The following AFF3 variants were observed in gnomAD, a reference collection of about 807,000 sequenced individuals.
AFF3 encodes the protein ALF transcription elongation factor 3.
A neutral mutation model predicts 129.7 loss-of-function variants in AFF3; 32 were observed. The observed-to-expected ratio is 0.25, with a 90% CI of 0.19 to 0.33. The LOEUF (loss-of-function observed/expected upper bound fraction) is 0.33, where lower values mean the gene tolerates loss of function less well. Ranked by LOEUF, AFF3 falls within the 10% of genes least tolerant of loss-of-function variation. The pLI is 1.00. For synonymous variants in AFF3, 644 were observed against 635.4 expected, an observed-to-expected ratio of 1.01 and a Z score of -0.20; for missense variants, 1,373 against 1,592.0, an observed-to-expected ratio of 0.86 and a Z score of 2.34.
rs1674623298 is a variant in AFF3, at chr2:99,937,469, G to C, written c.873+69163C>G. 2.0e-5 allele frequency among the ~76,000 whole-genome samples: 3 copies of C among 152,120 alleles called. No homozygotes were observed. The South Asian group carries it at 6.2e-4, about 32-fold the overall frequency. ...GGCTGGAGTGGAGTGAGCGATGTCA[G>C]CTCACTGCAACCTACGCCTCCCAGG... is the stretch of plus-strand genomic sequence containing the variant. On this transcript the variant is annotated intron_variant, in intron 7 of 24. Transcript: ENST00000672756.
At chr2:100,020,467 A>G (rs1002850777) in intron 4 of AFF3, among the ~76,000 whole-genome samples, 4 of 151,970 alleles carry the variant, frequency 2.6e-5, no homozygotes, top group South Asian at 2.1e-4. Context: ...CTCAGCTACC[A>G]ATTATCCAAC....
At chr2:100,090,669 ACAT>A (rs1689778998) in intron 4 of AFF3, among the ~76,000 whole-genome samples, 1 of 151,616 alleles carries the variant, frequency 6.6e-6, no homozygotes, top group African/African-American at 2.4e-5. Context: ...ATACATACAT[ACAT>A]ATATATATAT....
intron 4 of AFF3, among the ~76,000 whole-genome samples, chr2:100,051,695 C>A (rs550046421): frequency 6.6e-6 from 1 of 152,066 alleles, no homozygotes; most frequent in Admixed American, 6.6e-5. Flanking sequence ...TGTAAGTGTC[C>A]GCCTCTGTGT....
Position 100,007,286 on chromosome 2 carries a change from T to C in AFF3, c.349A>G (p.Arg117Gly), listed in dbSNP as rs1464427904. ...ATAGACGAGGGCTGGTTCTGGGCTC[T>C]TGAATCTGCAACAAAATGTTCATCG... ...KIDEHFVADS[R>G]AQNQPSSICS... Residue 117 changes from arginine to glycine, a missense_variant, in exon 6 of 25, where the codon AGA becomes GGA. By Grantham distance (125) the Arg-to-Gly change is moderately radical. Coordinates refer to ENST00000672756, the MANE Select transcript of AFF3 (RefSeq NM_001386135.1). 6.2e-7 allele frequency: 1 copy of C among 1,614,038 alleles called. No homozygotes were observed. Among genetic ancestry groups the C allele is most frequent in the African/African-American group, 1.3e-5 (1 of 74,904 alleles).
chr2:99,601,530 T>C lies in AFF3; in HGVS notation c.1276A>G (p.Ser426Gly). The C allele has an allele frequency of 1.9e-6, 3 of 1,603,894 alleles. No homozygotes were observed. The highest frequency in any genetic ancestry group is 1.7e-6 in the Non-Finnish European group (2 of 1,176,456). The stretch of plus-strand genomic sequence containing the variant: ...GATCCGGAGCTGCTCTCTGAGTCGC[T>C]GGAGGAGCTGCTGCTGCCGCTGCTG... ...SSSSGSSSSS[S>G]DSESSSGSDS... Residue 426 changes from serine (S) to glycine (G), a missense_variant, in exon 14 of 25, where the codon AGC (serine) becomes GGC (glycine). Physicochemically the swap from Ser to Gly is moderately conservative, Grantham distance 56 (BLOSUM62 0). Coordinates refer to ENST00000672756, the MANE Select transcript of AFF3 (RefSeq NM_001386135.1).
chr2:99,857,578 G>T (rs1320665871), intron 7 of AFF3, among the ~76,000 whole-genome samples: 1 of 152,162 alleles, frequency 6.6e-6, no homozygotes, highest in African/African-American at 2.4e-5. Flanking sequence ...CTTTTTAGGT[G>T]TAATAAACAT....
intron 7 of AFF3, among the ~76,000 whole-genome samples, chr2:99,962,728 T>C (rs1474840510): frequency 6.6e-6 from 1 of 151,616 alleles, no homozygotes; most frequent in African/African-American, 2.4e-5. Flanking sequence ...AGAGAAAAAA[T>C]ACATCTCATT....
intron 11 of AFF3, among the ~76,000 whole-genome samples, chr2:99,688,572 T>C (rs1389675552): frequency 2.0e-5 from 3 of 152,216 alleles, no homozygotes; most frequent in African/African-American, 7.2e-5. Context: ...TATTCCTTCA[T>C]TGAGCTGTTC....
At chr2:99,573,533 T>G (rs1407206545) in intron 18 of AFF3, among the ~76,000 whole-genome samples, 1 of 152,226 alleles carries the variant, frequency 6.6e-6, no homozygotes, top group Non-Finnish European at 1.5e-5. Flanking sequence ...TCTTAATTGG[T>G]GTCCTTTGAC....
chr2:99,956,842 T>C (rs1676692610), intron 7 of AFF3, among the ~76,000 whole-genome samples: 1 of 152,198 alleles, frequency 6.6e-6, no homozygotes, highest in African/African-American at 2.4e-5. Context: ...TGATACTATA[T>C]GGAAATTCAC....
chr2:99,555,083 C>G (rs1272442644), intron 22 of AFF3, among the ~76,000 whole-genome samples: 2 of 152,234 alleles, frequency 1.3e-5, no homozygotes, highest in Non-Finnish European at 2.9e-5. Flanking sequence ...TTTGCATGGA[C>G]AAGGTGCCTG....
intron 17 of AFF3, among the ~76,000 whole-genome samples, chr2:99,582,080 C>T (rs577253991): frequency 2.0e-5 from 3 of 152,132 alleles, no homozygotes; most frequent in African/African-American, 7.2e-5. Context: ...GTCTTGAACT[C>T]CTGACCTCAG....
intron 4 of AFF3, among the ~76,000 whole-genome samples, chr2:100,018,012 ATG>A (rs754696123): frequency 1.4e-4 from 20 of 148,100 alleles, no homozygotes; most frequent in South Asian, 8.7e-4. Flanking sequence ...CTTGGTTGAT[ATG>A]TGTGTGTGTG....
At position 99,678,151 on chromosome 2, in the gene AFF3, G is replaced by A. The variant is rs552798722; in HGVS notation, c.1092-5562C>T. Among the ~76,000 whole-genome samples the A allele has an allele frequency of 6.6e-5, 10 of 152,282 alleles. No homozygotes were observed. In the East Asian group the frequency reaches 1.9e-3, roughly 29 times the overall value. ...AATGCCTTCGAATTGTGAAGCTCTG[G>A]CAAATACAACTTTTGCAGAACCCAA... On this transcript the variant is annotated intron_variant, in intron 11 of 24. Coordinates refer to ENST00000672756, the MANE Select transcript of AFF3 (RefSeq NM_001386135.1).
At chr2:100,070,692 G>C (rs147879617) in intron 4 of AFF3, among the ~76,000 whole-genome samples, 1 of 152,102 alleles carries the variant, frequency 6.6e-6, no homozygotes, top group African/African-American at 2.4e-5. Flanking sequence ...ATTTCCAACT[G>C]ATCCAAACTG....
At chr2:99,840,336 C>T (rs538561923) in intron 7 of AFF3, among the ~76,000 whole-genome samples, 2 of 152,192 alleles carry the variant, frequency 1.3e-5, no homozygotes, top group African/African-American at 2.4e-5. Flanking sequence ...TTGATACAAT[C>T]GTCTGGGAAC....
chr2:99,585,370 T>G (rs1369410269), intron 16 of AFF3, among the ~76,000 whole-genome samples: 1 of 152,210 alleles, frequency 6.6e-6, no homozygotes, highest in Non-Finnish European at 1.5e-5. Context: ...TCTCTTGGAC[T>G]GCTGTACAGC....
intron 2 of AFF3, among the ~76,000 whole-genome samples, chr2:100,111,178 G>A (rs781090405): frequency 2.6e-5 from 4 of 152,208 alleles, no homozygotes; most frequent in Non-Finnish European, 5.9e-5. Flanking sequence ...ACCCTATGTG[G>A]CTAAGCCACT....
chr2:99,632,357 G>C (rs1420576628), intron 13 of AFF3, among the ~76,000 whole-genome samples: 1 of 152,084 alleles, frequency 6.6e-6, no homozygotes, highest in African/African-American at 2.4e-5. Context: ...GTCCTAATGG[G>C]TGTGATAAGG....
Sources: allele counts gnomAD v4.1 joint callset (sites outside exome capture counted in the v4.1 genomes callset), GRCh38; gene constraint gnomAD v4.1.1; transcripts MANE v1.5; gene names NCBI Gene and HGNC (gene_info 2026-07-23, HGNC 2026-07-21).